BORCS5: variants seen among roughly 807,000 people sequenced by gnomAD.
BORCS5 encodes BLOC-1 related complex subunit 5.
A neutral mutation model predicts 22.1 loss-of-function variants in BORCS5; 17 were observed. The observed-to-expected ratio is 0.77, with a 90% CI of 0.53 to 1.15. BORCS5 has a LOEUF of 1.15. Ranked by LOEUF, BORCS5 falls within the 50% of genes most tolerant of loss-of-function variation. The probability of loss-of-function intolerance (pLI) is 0.00; values close to 1 mark genes in which losing one functional copy is unlikely to be tolerated. For missense variants in BORCS5, 247 were observed against 253.2 expected (o/e 0.98, Z 0.17); for synonymous variants, 117 against 99.8 (o/e 1.17, Z -1.03).
intron 2 of BORCS5, among the ~76,000 whole-genome samples, chr12:12,411,356 T>C (rs752579742): frequency 7.2e-5 from 11 of 152,222 alleles, no homozygotes; most frequent in South Asian, 2.1e-4. Flanking sequence ...ACATTGGTTC[T>C]TTCATGTGCT....
At chr12:12,393,427 T>C (rs1430628682) in intron 2 of BORCS5, among the ~76,000 whole-genome samples, 2 of 151,950 alleles carry the variant, frequency 1.3e-5, no homozygotes, top group Non-Finnish European at 2.9e-5. Context: ...CCCCACTGAA[T>C]TGCTGTTGAG....
intron 2 of BORCS5, among the ~76,000 whole-genome samples, chr12:12,410,375 C>A (rs1239518665): frequency 6.6e-6 from 1 of 151,440 alleles, no homozygotes. Context: ...ACATTGAAGT[C>A]TTTAATCCAT....
chr12:12,369,712 CTTTTTTTTTT>C (rs71061052), intron 2 of BORCS5, among the ~76,000 whole-genome samples: 24 of 42,946 alleles, frequency 5.6e-4, no homozygotes, highest in Admixed American at 1.2e-3. Flanking sequence ...CCCCCCACTT[CTTTTTTTTTT>C]TTTTTTTTTT....
rs1329583057 is a variant in BORCS5, at chr12:12,438,377, AAAACGAAAAACAAC to A, written c.360+2595_360+2608del. ...TTTCATCTCAAAAAAAAAAAAAAAA[AAAACGAAAAACAAC>A]AACAAAAACCTCTAATCCATATCTG... On this transcript the variant is annotated intron_variant, in intron 3 of 3. Coordinates refer to ENST00000314565, the MANE Select transcript of BORCS5 (RefSeq NM_058169.6). Among the ~76,000 whole-genome samples, 183 of 135,954 alleles carry A rather than the reference AAAACGAAAAACAAC, an allele frequency of 1.3e-3. 10 individuals are homozygous for A. Among genetic ancestry groups the A allele is most frequent in the African/African-American group, 6.0e-3 (172 of 28,506 alleles). 89.2% of individuals were successfully genotyped at this position (135,954 alleles called of 152,430 possible).
intron 3 of BORCS5, among the ~76,000 whole-genome samples, chr12:12,462,466 G>A (rs1052311105): frequency 2.0e-5 from 3 of 152,132 alleles, no homozygotes; most frequent in African/African-American, 4.8e-5. Context: ...ATACTGGGTC[G>A]AGGGTAGCCC....
At chr12:12,430,478 C>T (rs1275821101) in intron 2 of BORCS5, among the ~76,000 whole-genome samples, 1 of 151,994 alleles carries the variant, frequency 6.6e-6, no homozygotes, top group African/African-American at 2.4e-5. Flanking sequence ...TGTGTTCGGC[C>T]ATATGAACTT....
intron 2 of BORCS5, among the ~76,000 whole-genome samples, chr12:12,388,621 A>C (rs1863932623): frequency 6.6e-6 from 1 of 150,984 alleles, no homozygotes; most frequent in Admixed American, 6.6e-5. Context: ...AGGACAAGGC[A>C]TGAATAATTA....
chr12:12,459,694 T>C (rs977108383), intron 3 of BORCS5, among the ~76,000 whole-genome samples: 1 of 152,226 alleles, frequency 6.6e-6, no homozygotes, highest in African/African-American at 2.4e-5. Context: ...ATCCATTCCA[T>C]ATTAATTTCT....
intron 2 of BORCS5, among the ~76,000 whole-genome samples, chr12:12,363,310 A>G (rs549222249): frequency 1.3e-5 from 2 of 151,824 alleles, no homozygotes; most frequent in Admixed American, 6.6e-5. Context: ...AGAAAAAAAA[A>G]AAAAGCCGGC....
chr12:12,420,423 G>A (rs1942084509), intron 2 of BORCS5, among the ~76,000 whole-genome samples: 1 of 152,180 alleles, frequency 6.6e-6, no homozygotes, highest in African/African-American at 2.4e-5. Context: ...TTTGGTACCA[G>A]TACCATGCTG....
chr12:12,381,665 T>A (rs1437150135), intron 2 of BORCS5, among the ~76,000 whole-genome samples: 1 of 151,528 alleles, frequency 6.6e-6, no homozygotes, highest in African/African-American at 2.4e-5. Context: ...TTTCATAGTT[T>A]TGCATTTTAC....
Position 12,425,540 on chromosome 12 carries a change from T to C in BORCS5, c.203-10088T>C, listed in dbSNP as rs545587260. On this transcript the variant is annotated intron_variant, in intron 2 of 3. Coordinates refer to ENST00000314565, the MANE Select transcript of BORCS5 (RefSeq NM_058169.6). ...TTTTCCATTGTTTGGATAATAGCCA[T>C]CCTAATGATTAAGTGGTATCTCATT... Among the ~76,000 whole-genome samples the C allele has an allele frequency of 2.0e-5, 3 of 152,234 alleles. No individual in the cohort carries two copies. In the South Asian group the frequency reaches 6.2e-4, roughly 31 times the overall value.
At chr12:12,464,023 G>A (rs1943156215) in intron 3 of BORCS5, among the ~76,000 whole-genome samples, 2 of 152,200 alleles carry the variant, frequency 1.3e-5, no homozygotes, top group Admixed American at 1.3e-4. Context: ...TCTCAGGTGT[G>A]TGGAGTGTTT....
chr12:12,425,390 C>A (rs1942259019), intron 2 of BORCS5, among the ~76,000 whole-genome samples: 1 of 151,914 alleles, frequency 6.6e-6, no homozygotes, highest in Non-Finnish European at 1.5e-5. Flanking sequence ...CCCAAATTCC[C>A]TTTTTAGTTA....
intron 2 of BORCS5, among the ~76,000 whole-genome samples, chr12:12,423,541 GT>G (rs112694101): frequency 0.31 from 44,967 of 145,846 alleles, 8,908 homozygotes; most frequent in African/African-American, 0.58. Flanking sequence ...TGGTTGACAG[GT>G]TTTTTGTTTT....
chr12:12,439,025 T>C (rs774612107), intron 3 of BORCS5, among the ~76,000 whole-genome samples: 1 of 152,218 alleles, frequency 6.6e-6, no homozygotes, highest in Non-Finnish European at 1.5e-5. Context: ...AGCAATTAAA[T>C]GGAGGCCTTA....
chr12:12,375,950 G>A (rs1468185855), intron 2 of BORCS5, among the ~76,000 whole-genome samples: 2 of 151,910 alleles, frequency 1.3e-5, no homozygotes, highest in African/African-American at 4.8e-5. Context: ...GATTCTAGGC[G>A]TCCACCACCG....
intron 1 of BORCS5, among the ~76,000 whole-genome samples, 195 bp downstream of exon 1, chr12:12,357,704 A>G (rs1478817322): frequency 6.6e-6 from 1 of 152,042 alleles, no homozygotes; most frequent in Non-Finnish European, 1.5e-5. Flanking sequence ...ACTGCAAGCT[A>G]AGCCAGCGTG....
intron 3 of BORCS5, among the ~76,000 whole-genome samples, chr12:12,438,378 A>AC (rs1942608084): frequency 9.3e-6 from 1 of 107,904 alleles, no homozygotes; most frequent in Non-Finnish European, 2.0e-5. Context: ...AAAAAAAAAA[A>AC]AACGAAAAAC....
Sources: allele counts gnomAD v4.1 joint callset (sites outside exome capture counted in the v4.1 genomes callset), GRCh38; gene constraint gnomAD v4.1.1; transcripts MANE v1.5; gene names NCBI Gene and HGNC (gene_info 2026-07-23, HGNC 2026-07-21).